TMEM132B: variants seen among roughly 807,000 people sequenced by gnomAD.
The protein encoded by TMEM132B is transmembrane protein 132B.
A neutral mutation model predicts 90.8 loss-of-function variants in TMEM132B; 18 were observed. The observed-to-expected ratio is 0.20, with a 90% CI of 0.14 to 0.29. The LOEUF (loss-of-function observed/expected upper bound fraction) is 0.29. TMEM132B is among the 10% of genes least tolerant of loss of function. TMEM132B has a pLI of 1.00. For missense variants in TMEM132B, 1,096 were observed against 1,326.8 expected, an observed-to-expected ratio of 0.83 and a Z score of 2.70; for synonymous variants, 504 against 523.3, an observed-to-expected ratio of 0.96 and a Z score of 0.50.
chr12:125,422,956 G>A (rs765115245), intron 3 of TMEM132B, among the ~76,000 whole-genome samples: 5 of 152,142 alleles, frequency 3.3e-5, no homozygotes, highest in African/African-American at 4.8e-5. Flanking sequence ...CTAGACCAGG[G>A]GCGTAAAGAA....
rs1325658484 is a variant in TMEM132B at position 125,492,257 on chromosome 12, G to A, written c.1107-27182G>A. On this transcript the variant is annotated intron_variant, in intron 3 of 8. Coordinates refer to ENST00000682704, the MANE Select transcript of TMEM132B (RefSeq NM_001366854.1). This position sits in a 1 kb window ranked among gnomAD's most constrained non-coding sequence, Gnocchi z 5.8. Reference sequence around the variant, plus strand: ...TTCCTGTGCAAGTTACACCTGCCGTGGCAGCTCAGCCTTCCTCGTCTGTCT... The same window carrying A: ...TTCCTGTGCAAGTTACACCTGCCGTAGCAGCTCAGCCTTCCTCGTCTGTCT... Among the ~76,000 whole-genome samples, 1 of 152,190 alleles carries A rather than the reference G, an allele frequency of 6.6e-6. No homozygotes were observed. Among genetic ancestry groups the A allele is most frequent in the East Asian group, 1.9e-4 (1 of 5,184 alleles).
chr12:125,285,108 C>G (rs1565992845), intron 1 of TMEM132B, among the ~76,000 whole-genome samples: 1 of 152,188 alleles, frequency 6.6e-6, no homozygotes, highest in Non-Finnish European at 1.5e-5. Context: ...TAACAAGTCT[C>G]AGGATTGGAT....
chr12:125,499,460 T>C (rs1882640375), intron 3 of TMEM132B, among the ~76,000 whole-genome samples: 1 of 152,222 alleles, frequency 6.6e-6, no homozygotes, highest in Non-Finnish European at 1.5e-5. Context: ...CAGCGCGTGA[T>C]GTGCTTCCCC....
chr12:125,592,573 AGT>A (rs1566083600), intron 5 of TMEM132B, among the ~76,000 whole-genome samples: 1 of 152,174 alleles, frequency 6.6e-6, no homozygotes, highest in Non-Finnish European at 1.5e-5. Context: ...TTTGCTGAGC[AGT>A]GTGTGGGGAG....
chr12:125,509,197 C>A (rs1882918962), intron 3 of TMEM132B, among the ~76,000 whole-genome samples: 1 of 152,284 alleles, frequency 6.6e-6, no homozygotes, highest in South Asian at 2.1e-4. Context: ...TGTATGAATG[C>A]ACAAGTGTTA....
intron 2 of TMEM132B, among the ~76,000 whole-genome samples, chr12:125,399,145 A>C (rs1398432477): frequency 2.6e-5 from 4 of 152,222 alleles, no homozygotes; most frequent in Admixed American, 2.6e-4. Context: ...ATGGTCTTAT[A>C]AACCTAATGT....
chr12:125,391,926 C>G (rs961896255), intron 2 of TMEM132B, among the ~76,000 whole-genome samples: 10 of 151,960 alleles, frequency 6.6e-5, no homozygotes, highest in Non-Finnish European at 1.5e-4. Context: ...ACCACCACAC[C>G]AAGCTAAAAT....
chr12:125,344,130 G>A (rs1051708496), intron 1 of TMEM132B, among the ~76,000 whole-genome samples: 1 of 152,168 alleles, frequency 6.6e-6, no homozygotes, highest in South Asian at 2.1e-4. Context: ...TAGTAAACAA[G>A]GGAACAAGGA....
At chr12:125,223,656 C>T (rs1325812233) in intron 1 of TMEM132B, among the ~76,000 whole-genome samples, 11 of 152,226 alleles carry the variant, frequency 7.2e-5, no homozygotes, top group African/African-American at 2.7e-4. Flanking sequence ...AACAGTTACT[C>T]TCTGTCCCGC....
At chr12:125,278,149 A>G (rs1156823438) in intron 1 of TMEM132B, among the ~76,000 whole-genome samples, 1 of 152,014 alleles carries the variant, frequency 6.6e-6, no homozygotes, top group Non-Finnish European at 1.5e-5. Context: ...CAAATGTGGC[A>G]CTCTATGTGT....
At chr12:125,264,133 C>T (rs1874632071) in intron 1 of TMEM132B, among the ~76,000 whole-genome samples, 1 of 152,162 alleles carries the variant, frequency 6.6e-6, no homozygotes, top group Admixed American at 6.5e-5. Context: ...ACTTGCATTC[C>T]TTGGCTTGTG....
At chr12:125,379,787 A>G (rs1396530302) in intron 2 of TMEM132B, among the ~76,000 whole-genome samples, 1 of 152,208 alleles carries the variant, frequency 6.6e-6, no homozygotes, top group Non-Finnish European at 1.5e-5. Context: ...CCTGTGGAGT[A>G]AATGCTCCCA....
rs1879535928 is a variant in TMEM132B at position 125,407,536 on chromosome 12, G to A, written c.960-7995G>A. Among the ~76,000 whole-genome samples the A allele has an allele frequency of 6.6e-6, 1 of 152,232 alleles. No homozygotes were observed. Among genetic ancestry groups the A allele is most frequent in the African/African-American group, 2.4e-5 (1 of 41,466 alleles). ...TGCCCTGTCTGTCTGTCCCTGCTGG[G>A]TAGAGGCTGGCCTGGAGTCCAGTTG... On this transcript the variant is annotated intron_variant, in intron 2 of 8. Coordinates refer to ENST00000682704, the MANE Select transcript of TMEM132B (RefSeq NM_001366854.1). This position sits in a 1 kb window ranked among gnomAD's most constrained non-coding sequence, Gnocchi z 6.7.
At chr12:125,646,930 A>C (rs1196537904) in intron 6 of TMEM132B, among the ~76,000 whole-genome samples, 1 of 152,220 alleles carries the variant, frequency 6.6e-6, no homozygotes, top group Non-Finnish European at 1.5e-5. Context: ...GCCATACCAA[A>C]GGAAAAAAGA....
intron 4 of TMEM132B, among the ~76,000 whole-genome samples, chr12:125,552,861 C>T (rs966496898): frequency 6.6e-5 from 10 of 152,254 alleles, no homozygotes; most frequent in African/African-American, 2.4e-4. Context: ...CGTCCCTGCA[C>T]AGGGAGTCAG....
chr12:125,224,448 T>G (rs1256408564), intron 1 of TMEM132B, among the ~76,000 whole-genome samples: 3 of 151,048 alleles, frequency 2.0e-5, no homozygotes, highest in African/African-American at 7.4e-5. Flanking sequence ...GACTGTTTTC[T>G]GATATTAAGG....
At chr12:125,547,684 A>T (rs528440130) in intron 4 of TMEM132B, among the ~76,000 whole-genome samples, 5 of 152,158 alleles carry the variant, frequency 3.3e-5, no homozygotes, top group Admixed American at 3.3e-4. Context: ...CTTGATCCTG[A>T]GTAGCTTAGT....
intron 1 of TMEM132B, among the ~76,000 whole-genome samples, chr12:125,296,151 G>A (rs1243061114): frequency 1.3e-5 from 2 of 152,158 alleles, no homozygotes; most frequent in African/African-American, 4.8e-5. Context: ...ATCTCATTCC[G>A]ATAAAAGCCG....
chr12:125,413,977 A>G (rs1357837573), intron 2 of TMEM132B, among the ~76,000 whole-genome samples: 1 of 152,120 alleles, frequency 6.6e-6, no homozygotes, highest in Non-Finnish European at 1.5e-5. Flanking sequence ...GAGGGTTCCA[A>G]TTTCTCTACA....
Sources: allele counts gnomAD v4.1 joint callset (sites outside exome capture counted in the v4.1 genomes callset), GRCh38; gene constraint gnomAD v4.1.1; non-coding constraint Gnocchi (gnomAD v3.1); transcripts MANE v1.5; gene names NCBI Gene and HGNC (gene_info 2026-07-23, HGNC 2026-07-21).